ASAP1: variants seen among roughly 807,000 people sequenced by gnomAD.
ASAP1 encodes the protein ArfGAP with SH3 domain, ankyrin repeat and PH domain 1.
In ASAP1, 43 loss-of-function variants were observed where a neutral mutation model predicts 145.2. That is an observed-to-expected ratio of 0.30 (90% CI 0.23 to 0.38). The LOEUF is 0.38. Ranked by LOEUF, ASAP1 falls within the 10% of genes least tolerant of loss-of-function variation. ASAP1 has a pLI of 1.00. For missense variants in ASAP1, 1,018 were observed against 1,355.3 expected (o/e 0.75, Z 3.91); for synonymous variants, 546 against 515.5 (o/e 1.06, Z -0.80).
chr8:130,321,021 A>G (rs907636401), intron 3 of ASAP1, among the ~76,000 whole-genome samples: 1 of 152,192 alleles, frequency 6.6e-6, no homozygotes, highest in Non-Finnish European at 1.5e-5. Flanking sequence ...AAATATATAA[A>G]TCAAGAATGC....
chr8:130,182,533 T>C (rs1333733600), intron 7 of ASAP1, among the ~76,000 whole-genome samples: 1 of 152,174 alleles, frequency 6.6e-6, no homozygotes. Context: ...AAGAGCTGCC[T>C]TCACATCCTA....
At chr8:130,202,363 T>C (rs1318029598) in intron 5 of ASAP1, among the ~76,000 whole-genome samples, 3 of 152,002 alleles carry the variant, frequency 2.0e-5, no homozygotes, top group East Asian at 1.9e-4. Flanking sequence ...TAAAATTAAG[T>C]AGTGCTTTAG....
chr8:130,407,671 C>T (rs1339202036), intron 1 of ASAP1, among the ~76,000 whole-genome samples: 2 of 152,240 alleles, frequency 1.3e-5, no homozygotes, highest in African/African-American at 4.8e-5. Flanking sequence ...TTCTGCTTTT[C>T]CACTGAAATT....
At chr8:130,128,446 A>G (rs1333578025) in intron 15 of ASAP1, among the ~76,000 whole-genome samples, 3 of 152,150 alleles carry the variant, frequency 2.0e-5, no homozygotes, top group African/African-American at 7.2e-5. Flanking sequence ...AGAGGACTCA[A>G]TGAGGGACCC....
intron 3 of ASAP1, among the ~76,000 whole-genome samples, chr8:130,273,705 T>C (rs970120603): frequency 9.9e-5 from 15 of 152,174 alleles, no homozygotes; most frequent in African/African-American, 3.6e-4. Context: ...GCTGGTGAGA[T>C]AGGTCACACT....
At chr8:130,072,486 G>A (rs904476174) in intron 27 of ASAP1, among the ~76,000 whole-genome samples, 1 of 141,130 alleles carries the variant, frequency 7.1e-6, no homozygotes, top group African/African-American at 2.6e-5. Context: ...TGATTGCGAG[G>A]CCTCCCCTGC....
chr8:130,077,500 C>T (rs1406761314), intron 26 of ASAP1, among the ~76,000 whole-genome samples: 3 of 150,192 alleles, frequency 2.0e-5, no homozygotes, highest in African/African-American at 7.4e-5. Flanking sequence ...CCATTTCTGT[C>T]CCCTGATGTC....
chr8:130,058,012 A>G lies in ASAP1; in HGVS notation c.3257T>C (p.Leu1086Pro). The change falls in exon 29 of 30, where the codon CTC becomes CCC. Residue 1086 changes from leucine to proline, a missense_variant. Around this residue, in one of 9 missense-constraint regions of ASAP1, gnomAD observed 62 missense variants for 97.8 expected, o/e 0.63. Coordinates refer to ENST00000518721, the MANE Select transcript of ASAP1 (RefSeq NM_018482.4). The part of the protein sequence containing the change: ...YDCQADNDDE[L>P]TFIEGEVIIV... ...AATCACTTCTCCCTCGATGAATGTGAGCTCGTCATCGTTGTCTGCCTGGCA... is the reference window on the plus strand; with the variant it reads ...AATCACTTCTCCCTCGATGAATGTGGGCTCGTCATCGTTGTCTGCCTGGCA... 6.2e-7 allele frequency: 1 copy of G among 1,614,116 alleles called. No homozygotes were observed. The highest frequency in any genetic ancestry group is 8.5e-7 in the Non-Finnish European group (1 of 1,179,980).
At chr8:130,054,933 T>C (rs2097400413) in intron 29 of ASAP1, 128 bp from the exon 30 acceptor site, 1 of 735,824 alleles carries the variant, frequency 1.4e-6, no homozygotes, top group African/African-American at 1.7e-5. Flanking sequence ...TTACCCTTCT[T>C]CCCACCCTTT....
chr8:130,319,323 G>A (rs954369011), intron 3 of ASAP1, among the ~76,000 whole-genome samples: 3 of 152,166 alleles, frequency 2.0e-5, no homozygotes, highest in Admixed American at 6.5e-5. Flanking sequence ...AATAAAAAAA[G>A]GAATAAAAGT....
intron 7 of ASAP1, among the ~76,000 whole-genome samples, chr8:130,184,896 A>G (rs998153991): frequency 3.3e-5 from 5 of 152,172 alleles, no homozygotes; most frequent in African/African-American, 1.2e-4. Context: ...ATATTATTTT[A>G]CAAGTAAGGA....
chr8:130,325,796 T>C (rs955166019), intron 3 of ASAP1, among the ~76,000 whole-genome samples: 3 of 152,208 alleles, frequency 2.0e-5, no homozygotes, highest in Admixed American at 1.3e-4. Context: ...TTGAGATAGA[T>C]GTTTTTGTTC....
intron 26 of ASAP1, among the ~76,000 whole-genome samples, chr8:130,079,377 T>C (rs2097473247): frequency 6.6e-6 from 1 of 151,628 alleles, no homozygotes. Context: ...AAGTATACAA[T>C]TTCAGTGAAA....
intron 5 of ASAP1, among the ~76,000 whole-genome samples, chr8:130,189,248 C>T (rs1202187735): frequency 6.6e-6 from 1 of 152,130 alleles, no homozygotes; most frequent in Non-Finnish European, 1.5e-5. Flanking sequence ...CTACCTAACA[C>T]TAGACTGTGT....
intron 5 of ASAP1, among the ~76,000 whole-genome samples, chr8:130,204,728 A>G (rs1292247542): frequency 2.0e-5 from 3 of 152,208 alleles, no homozygotes; most frequent in African/African-American, 4.8e-5. Flanking sequence ...TAAGTCTCTG[A>G]GTTGCTGTTG....
intron 13 of ASAP1, among the ~76,000 whole-genome samples, chr8:130,140,785 A>G (rs1411758400): frequency 6.6e-6 from 1 of 152,200 alleles, no homozygotes; most frequent in Admixed American, 6.5e-5. Flanking sequence ...ACAAATGGCC[A>G]TCATCCCAAA....
At chr8:130,069,914 G>A (rs894992231) in intron 27 of ASAP1, among the ~76,000 whole-genome samples, 3 of 152,220 alleles carry the variant, frequency 2.0e-5, no homozygotes, top group East Asian at 1.9e-4. Context: ...AGCTTTTTGC[G>A]CAAGAGAGAG....
intron 9 of ASAP1, among the ~76,000 whole-genome samples, chr8:130,169,883 G>A (rs1004152207): frequency 6.6e-6 from 1 of 152,154 alleles, no homozygotes; most frequent in Non-Finnish European, 1.5e-5. Flanking sequence ...TCTGATCCAC[G>A]CTCTTTACCA....
intron 3 of ASAP1, among the ~76,000 whole-genome samples, chr8:130,272,200 T>C (rs1042775971): frequency 1.3e-5 from 2 of 151,734 alleles, no homozygotes; most frequent in Non-Finnish European, 2.9e-5. Context: ...AGGACATGAA[T>C]AGACATAAAA....
Sources: gnomAD v4.1 joint callset for allele counts (sites outside exome capture counted in the v4.1 genomes callset) on GRCh38, gnomAD v4.1.1 for gene constraint, gnomAD v4.1.1 regional missense constraint, MANE v1.5 for transcripts, NCBI Gene and HGNC (gene_info 2026-07-23, HGNC 2026-07-21) for gene names.